TEK: variants seen among roughly 807,000 people sequenced by gnomAD.
TEK encodes TEK receptor tyrosine kinase.
A neutral mutation model predicts 131.8 loss-of-function variants in TEK; 43 were observed. The observed-to-expected ratio is 0.33, with a 90% CI of 0.26 to 0.42. The LOEUF is 0.42. Among genes scored for constraint, TEK ranks in the 10% least tolerant of loss-of-function variants. TEK has a pLI of 1.00. For synonymous variants in TEK, 580 were observed against 491.6 expected, an observed-to-expected ratio of 1.18 and a Z score of -2.38; for missense variants, 1,162 against 1,384.4, an observed-to-expected ratio of 0.84 and a Z score of 2.55.
At chr9:27,195,531 CCCCATAGGAGTG>C (rs1452462086) in intron 11 of TEK, 1 of 379,504 alleles carries the variant, frequency 2.6e-6, no homozygotes, top group Non-Finnish European at 5.1e-6. Flanking sequence ...AATTTTTTTG[CCCCATAGGAGTG>C]ATTGTGTCCC....
intron 14 of TEK, among the ~76,000 whole-genome samples, chr9:27,206,163 C>G (rs1825392013): frequency 6.6e-6 from 1 of 151,794 alleles, no homozygotes; most frequent in Non-Finnish European, 1.5e-5. Context: ...CAAGATAATG[C>G]TAAGAAAGCT....
At chr9:27,145,838 A>G (rs1645199874) in intron 1 of TEK, among the ~76,000 whole-genome samples, 1 of 152,244 alleles carries the variant, frequency 6.6e-6, no homozygotes, top group Non-Finnish European at 1.5e-5. Context: ...TTTAATTAGA[A>G]CAATGTCATT....
At chr9:27,211,191 A>ATGTATATATATGAATATATG (rs1554701099) in intron 16 of TEK, among the ~76,000 whole-genome samples, 85 of 143,326 alleles carry the variant, frequency 5.9e-4, no homozygotes, top group African/African-American at 2.0e-3. Context: ...ATATGAATAT[A>ATGTATATATATGAATATATG]TGTATATATA....
intron 5 of TEK, 92 bp downstream of exon 5, chr9:27,172,839 A>G: frequency 6.4e-7 from 1 of 1,550,476 alleles, no homozygotes; most frequent in Non-Finnish European, 8.8e-7. Context: ...ATGGGAATGG[A>G]CGCTAAATGG....
chr9:27,165,198 T>C (rs1823684190), intron 2 of TEK, among the ~76,000 whole-genome samples: 1 of 152,200 alleles, frequency 6.6e-6, no homozygotes, highest in African/African-American at 2.4e-5. Context: ...TTGAGCCTAC[T>C]GGGGAACCTT....
intron 6 of TEK, among the ~76,000 whole-genome samples, chr9:27,178,970 T>G (rs1824267275): frequency 6.6e-6 from 1 of 152,352 alleles, no homozygotes; most frequent in South Asian, 2.1e-4. Context: ...TGCTAAGGGC[T>G]TAACAAATTT....
chr9:27,132,438 G>C (rs1822261614), intron 1 of TEK, among the ~76,000 whole-genome samples: 2 of 152,000 alleles, frequency 1.3e-5, no homozygotes. Flanking sequence ...GCTATTTTGA[G>C]TACATAAAAT....
intron 11 of TEK, chr9:27,195,693 AGAAG>A (rs1225525409): frequency 2.2e-6 from 1 of 455,934 alleles, no homozygotes; most frequent in African/African-American, 2.0e-5. Flanking sequence ...ACATCTCGAA[AGAAG>A]GAAGGGAGGG....
chr9:27,148,370 G>A (rs866059915), intron 1 of TEK, among the ~76,000 whole-genome samples: 3 of 152,236 alleles, frequency 2.0e-5, no homozygotes, highest in Non-Finnish European at 4.4e-5. Context: ...CTTTTGATGA[G>A]TAACAAGGCA....
At chr9:27,159,440 A>T (rs1302141484) in intron 2 of TEK, among the ~76,000 whole-genome samples, 1 of 152,206 alleles carries the variant, frequency 6.6e-6, no homozygotes, top group Non-Finnish European at 1.5e-5. Flanking sequence ...AGAGTCAGGG[A>T]TACAGGGAGG....
intron 21 of TEK, among the ~76,000 whole-genome samples, chr9:27,222,010 T>A (rs1235265359): frequency 6.6e-6 from 1 of 152,140 alleles, no homozygotes; most frequent in African/African-American, 2.4e-5. Context: ...TTAGATGAAT[T>A]GCAACTAGAA....
At chr9:27,184,079 G>C (rs1564082541) in intron 8 of TEK, among the ~76,000 whole-genome samples, 1 of 152,240 alleles carries the variant, frequency 6.6e-6, no homozygotes, top group East Asian at 1.9e-4. Context: ...TACGCTCTTT[G>C]GAGCAGCAGT....
chr9:27,185,800 A>G (rs1223832054), intron 9 of TEK, among the ~76,000 whole-genome samples, 171 bp downstream of exon 9: 2 of 152,232 alleles, frequency 1.3e-5, no homozygotes, highest in East Asian at 3.8e-4. Flanking sequence ...AATTAAGAGT[A>G]TGAACTGTGG....
intron 10 of TEK, chr9:27,192,105 C>T (rs542657008): frequency 1.3e-5 from 5 of 379,078 alleles, no homozygotes; most frequent in East Asian, 7.1e-5. Flanking sequence ...CTTTTTCTCT[C>T]GATAGCTTGA....
At chr9:27,120,690 GACCTAAGA>G (rs1370985609) in intron 1 of TEK, among the ~76,000 whole-genome samples, 3 of 152,224 alleles carry the variant, frequency 2.0e-5, no homozygotes, top group Non-Finnish European at 2.9e-5. Flanking sequence ...GGGTTATGTA[GACCTAAGA>G]ACCTAGCAGG....
intron 1 of TEK, among the ~76,000 whole-genome samples, chr9:27,146,241 A>C (rs1046130244): frequency 6.6e-6 from 1 of 152,138 alleles, no homozygotes; most frequent in Admixed American, 6.5e-5. Context: ...GCATATTTTT[A>C]CTGGTAAATA....
chr9:27,150,661 C>T (rs1000090737), intron 1 of TEK, among the ~76,000 whole-genome samples: 5 of 152,126 alleles, frequency 3.3e-5, no homozygotes, highest in African/African-American at 7.2e-5. Context: ...AAACCTCTTC[C>T]GGTGTAAACA....
chr9:27,141,749 G>C (rs376269415), intron 1 of TEK, among the ~76,000 whole-genome samples: 5 of 152,204 alleles, frequency 3.3e-5, no homozygotes, highest in African/African-American at 1.2e-4. Flanking sequence ...TCTGAGGTCC[G>C]GACTTCAGAA....
At chr9:27,165,119 C>T (rs1199241964) in intron 2 of TEK, among the ~76,000 whole-genome samples, 13 of 151,432 alleles carry the variant, frequency 8.6e-5, no homozygotes, top group East Asian at 3.9e-4. Flanking sequence ...CCTAAGAAAA[C>T]AGGAGGTTAA....
Sources: allele counts gnomAD v4.1 joint callset (sites outside exome capture counted in the v4.1 genomes callset), GRCh38; gene constraint gnomAD v4.1.1; transcripts MANE v1.5; gene names NCBI Gene and HGNC (gene_info 2026-07-23, HGNC 2026-07-21).